TAF4B: variants seen among roughly 807,000 people sequenced by gnomAD.
TAF4B encodes the protein transcription initiation factor TFIID subunit 4B.
TAF4B carries 38 observed loss-of-function variants against 86.4 expected under a neutral mutation model. That is an observed-to-expected ratio of 0.44 (90% CI 0.34 to 0.58). TAF4B has a LOEUF of 0.58. Among genes scored for constraint, TAF4B ranks in the 20% least tolerant of loss-of-function variants. The probability of loss-of-function intolerance (pLI) is 0.02; values close to 1 mark genes in which losing one functional copy is unlikely to be tolerated. For missense variants in TAF4B, 988 were observed against 1,027.6 expected (o/e 0.96, Z 0.53); for synonymous variants, 388 against 391.2 (o/e 0.99, Z 0.10).
intron 14 of TAF4B, among the ~76,000 whole-genome samples, chr18:26,386,779 C>T (rs1025873865): frequency 6.6e-6 from 1 of 151,962 alleles, no homozygotes; most frequent in Non-Finnish European, 1.5e-5. Flanking sequence ...ATTTATTGTA[C>T]TCTTAATGTA....
chr18:26,384,932 G>A (rs554415442), intron 14 of TAF4B, among the ~76,000 whole-genome samples: 5 of 152,112 alleles, frequency 3.3e-5, no homozygotes, highest in Admixed American at 6.5e-5. Flanking sequence ...ATCTTATGCC[G>A]CCTAGCACAG....
chr18:26,275,074 C>T, intron 5 of TAF4B, 21 bp downstream of exon 5: 1 of 1,587,134 alleles, frequency 6.3e-7, no homozygotes, highest in Non-Finnish European at 8.5e-7. Flanking sequence ...CTATAAAATC[C>T]TGCAAATTCT....
chr18:26,309,752 C>G (rs1455344583), intron 9 of TAF4B, among the ~76,000 whole-genome samples: 1 of 152,136 alleles, frequency 6.6e-6, no homozygotes, highest in Non-Finnish European at 1.5e-5. Flanking sequence ...GTCATTTTCA[C>G]TCCCATTTTA....
chr18:26,282,211 T>C lies in TAF4B; in HGVS notation c.972+151T>C, dbSNP rs1307280579. The C allele has an allele frequency of 2.7e-5, 17 of 632,384 alleles. No individual in the cohort carries two copies. The East Asian group carries it at 4.5e-4, about 17-fold the overall frequency. The allele number at this position is 632,384 out of a possible 1,614,324, so 39.2% of individuals were successfully genotyped here. A position where few individuals can be genotyped will look rare whatever the true frequency, so the allele number is the denominator to read the frequency against. ...GAGTGCTTTTGTAAGCTATAAAGCG[T>C]GTTCATAATATTATTTTAATTTGGA... On this transcript the variant is annotated intron_variant, in intron 6 of 14. Coordinates refer to ENST00000269142, the MANE Select transcript of TAF4B (RefSeq NM_005640.3).
intron 13 of TAF4B, among the ~76,000 whole-genome samples, chr18:26,343,011 T>C (rs143000598): frequency 6.6e-6 from 1 of 152,222 alleles, no homozygotes; most frequent in Non-Finnish European, 1.5e-5. Context: ...TCTCTCCCAC[T>C]GAATACAACT....
Position 26,281,875 on chromosome 18 carries a change from G to A in TAF4B, c.883-96G>A. 3 of 844,764 alleles carry A rather than the reference G, an allele frequency of 3.6e-6. No homozygotes were observed. The South Asian group carries it at 5.4e-5, about 15-fold the overall frequency. The allele number at this position is 844,764 out of a possible 1,614,324, so 52.3% of individuals were successfully genotyped here. On this transcript the variant is annotated intron_variant, in intron 5 of 14. Coordinates refer to ENST00000269142, the MANE Select transcript of TAF4B (RefSeq NM_005640.3). ...ATATTTAATTGACTTTATCATTTGT[G>A]AAAAGTTTGCTATGTCTACAATCAT...
intron 13 of TAF4B, among the ~76,000 whole-genome samples, chr18:26,343,416 C>G (rs2057151328): frequency 6.6e-6 from 1 of 152,158 alleles, no homozygotes; most frequent in South Asian, 2.1e-4. Context: ...ACTGGACCAA[C>G]AAACCACCAC....
chr18:26,273,585 G>A (rs1301182107), intron 3 of TAF4B, among the ~76,000 whole-genome samples: 2 of 152,080 alleles, frequency 1.3e-5, no homozygotes, highest in Non-Finnish European at 2.9e-5. Context: ...TCTAGAGACA[G>A]GGTCTTGTTA....
At chr18:26,327,201 ATC>A in intron 12 of TAF4B, 61 bp downstream of exon 12, 1 of 1,555,518 alleles carries the variant, frequency 6.4e-7, no homozygotes, top group Non-Finnish European at 8.7e-7. Flanking sequence ...AGGTGGCTTT[ATC>A]GTTGGTTGAC....
intron 13 of TAF4B, among the ~76,000 whole-genome samples, chr18:26,347,187 T>C (rs2057206419): frequency 6.6e-6 from 1 of 151,738 alleles, no homozygotes; most frequent in Admixed American, 6.6e-5. Flanking sequence ...CCCAAAGTGC[T>C]GGGATTACAG....
At chr18:26,317,950 A>G (rs1198007147) in intron 10 of TAF4B, among the ~76,000 whole-genome samples, 8 of 152,228 alleles carry the variant, frequency 5.3e-5, no homozygotes, top group African/African-American at 1.9e-4. Flanking sequence ...AAGAGTGATC[A>G]GATTTGGCTT....
intron 9 of TAF4B, among the ~76,000 whole-genome samples, chr18:26,307,271 G>A (rs1039715189): frequency 9.8e-5 from 9 of 91,662 alleles, no homozygotes; most frequent in Non-Finnish European, 2.4e-4. Context: ...TACACTTTTC[G>A]GGGGGATTCA....
chr18:26,384,123 A>G (rs1978309429), intron 14 of TAF4B, among the ~76,000 whole-genome samples: 1 of 152,126 alleles, frequency 6.6e-6, no homozygotes, highest in African/African-American at 2.4e-5. Flanking sequence ...TCCTCCTTAA[A>G]GCTGAAAAGA....
At chr18:26,276,357 T>G (rs2056384263) in intron 5 of TAF4B, among the ~76,000 whole-genome samples, 1 of 152,206 alleles carries the variant, frequency 6.6e-6, no homozygotes, top group African/African-American at 2.4e-5. Context: ...AGCAAATATT[T>G]CATATTATAT....
intron 14 of TAF4B, among the ~76,000 whole-genome samples, chr18:26,378,981 G>A (rs2057460567): frequency 6.6e-6 from 1 of 152,006 alleles, no homozygotes; most frequent in South Asian, 2.1e-4. Flanking sequence ...ATGGATAAAG[G>A]TGCTTTATCC....
intron 9 of TAF4B, chr18:26,295,176 A>T (rs1166844761): frequency 5.1e-6 from 2 of 390,506 alleles, no homozygotes; most frequent in Admixed American, 5.6e-5. Flanking sequence ...TCATCCCCCC[A>T]TGTACATTTT....
intron 6 of TAF4B, among the ~76,000 whole-genome samples, chr18:26,283,938 C>T (rs2144589103): frequency 6.6e-6 from 1 of 152,118 alleles, no homozygotes; most frequent in African/African-American, 2.4e-5. Flanking sequence ...CCTATAGTCC[C>T]AGCTACTTGG....
chr18:26,357,190 G>T (rs530541578), intron 13 of TAF4B, among the ~76,000 whole-genome samples: 184 of 152,272 alleles, frequency 1.2e-3, no homozygotes, highest in African/African-American at 4.1e-3. Flanking sequence ...TTAATAAAAA[G>T]AGGATGATGT....
intron 9 of TAF4B, among the ~76,000 whole-genome samples, chr18:26,313,921 G>A (rs955632112): frequency 1.3e-5 from 2 of 151,934 alleles, no homozygotes; most frequent in Admixed American, 1.3e-4. Context: ...TCCCACCTTG[G>A]CCTCCCAGAG....
Sources: gnomAD v4.1 joint callset for allele counts (sites outside exome capture counted in the v4.1 genomes callset) on GRCh38, gnomAD v4.1.1 for gene constraint, MANE v1.5 for transcripts, NCBI Gene and HGNC (gene_info 2026-07-23, HGNC 2026-07-21) for gene names.